The following ATP6V0D2 variants were observed in gnomAD, a reference collection of about 807,000 sequenced individuals.
ATP6V0D2 encodes ATPase H+ transporting V0 subunit d2.
A neutral mutation model predicts 40.0 loss-of-function variants in ATP6V0D2; 40 were observed. That is an observed-to-expected ratio of 1.00 (90% CI 0.78 to 1.30). The LOEUF (loss-of-function observed/expected upper bound fraction) is 1.30. Ranked by LOEUF, ATP6V0D2 falls within the 50% of genes most tolerant of loss-of-function variation. The pLI, the probability that ATP6V0D2 is intolerant of heterozygous loss-of-function variation, is 0.00. For missense variants in ATP6V0D2, 470 were observed against 423.1 expected (o/e 1.11, Z -0.97); for synonymous variants, 179 against 156.3 (o/e 1.15, Z -1.08).
intron 2 of ATP6V0D2, among the ~76,000 whole-genome samples, chr8:86,121,235 TTCAGTTGCTGTCTG>T (rs1411019943): frequency 1.3e-5 from 2 of 152,160 alleles, no homozygotes; most frequent in Non-Finnish European, 2.9e-5. Context: ...CCTGGCAGCA[TTCAGTTGCTGTCTG>T]TAGACCTTAG....
At chr8:86,121,432 T>TG (rs990078217) in intron 2 of ATP6V0D2, among the ~76,000 whole-genome samples, 1 of 151,970 alleles carries the variant, frequency 6.6e-6, no homozygotes, top group African/African-American at 2.4e-5. Flanking sequence ...TAGCCAGGTG[T>TG]GGGGGCGCAT....
intron 5 of ATP6V0D2, among the ~76,000 whole-genome samples, chr8:86,144,708 A>C (rs1328754240): frequency 2.0e-5 from 3 of 152,182 alleles, no homozygotes; most frequent in Admixed American, 1.3e-4. Flanking sequence ...CTGTTGCCCA[A>C]ACTGGAGGAG....
intron 1 of ATP6V0D2, among the ~76,000 whole-genome samples, chr8:86,106,413 G>A (rs781682326): frequency 5.9e-5 from 9 of 152,208 alleles, no homozygotes; most frequent in Admixed American, 3.3e-4. Flanking sequence ...GATTACAAGC[G>A]TGAGCACTGA....
intron 1 of ATP6V0D2, among the ~76,000 whole-genome samples, chr8:86,111,161 G>A (rs1268969549): frequency 6.6e-6 from 1 of 150,518 alleles, no homozygotes; most frequent in African/African-American, 2.5e-5. Context: ...CCCCCACTAA[G>A]TCGTTTTTTT....
At chr8:86,152,367 A>T (rs1289277152) in intron 7 of ATP6V0D2, among the ~76,000 whole-genome samples, 1 of 152,202 alleles carries the variant, frequency 6.6e-6, no homozygotes, top group African/African-American at 2.4e-5. Flanking sequence ...TATTGGGAAA[A>T]GTGCTGCAAT....
chr8:86,116,595 T>A (rs1818594275), intron 2 of ATP6V0D2, among the ~76,000 whole-genome samples: 1 of 152,200 alleles, frequency 6.6e-6, no homozygotes, highest in Non-Finnish European at 1.5e-5. Flanking sequence ...AGCTAAATTA[T>A]TTTTATTTTT....
intron 4 of ATP6V0D2, 57 bp from the exon 5 acceptor site, chr8:86,142,819 CA>C: frequency 2.7e-6 from 3 of 1,102,112 alleles, no homozygotes; most frequent in Non-Finnish European, 4.0e-6. Context: ...CTGATCTAGA[CA>C]TTTTCAAAAG....
chr8:86,135,884 C>T (rs1005247485), intron 2 of ATP6V0D2, among the ~76,000 whole-genome samples: 1 of 151,986 alleles, frequency 6.6e-6, no homozygotes, highest in African/African-American at 2.4e-5. Context: ...TTATTTGCTT[C>T]CCAACCACTG....
intron 2 of ATP6V0D2, among the ~76,000 whole-genome samples, chr8:86,135,507 G>C (rs1225855264): frequency 6.6e-6 from 1 of 152,200 alleles, no homozygotes; most frequent in African/African-American, 2.4e-5. Context: ...AAGGTATTTA[G>C]TACTGCTAAG....
At chr8:86,151,139 C>A (rs1373936711) in intron 6 of ATP6V0D2, among the ~76,000 whole-genome samples, 1 of 152,010 alleles carries the variant, frequency 6.6e-6, no homozygotes, top group Non-Finnish European at 1.5e-5. Flanking sequence ...CCTTACTGAC[C>A]AAATCATGAA....
intron 2 of ATP6V0D2, among the ~76,000 whole-genome samples, chr8:86,117,068 G>A (rs1818599314): frequency 1.3e-5 from 2 of 152,098 alleles, no homozygotes; most frequent in African/African-American, 4.8e-5. Context: ...ACATATAACA[G>A]CTATTTGTAA....
intron 2 of ATP6V0D2, among the ~76,000 whole-genome samples, chr8:86,137,213 T>C (rs1586099122): frequency 6.6e-6 from 1 of 152,124 alleles, no homozygotes; most frequent in East Asian, 1.9e-4. Flanking sequence ...GGCGTTTTCA[T>C]TGCATTCTCT....
chr8:86,115,916 A>G (rs1038197452), intron 2 of ATP6V0D2, among the ~76,000 whole-genome samples: 2 of 152,140 alleles, frequency 1.3e-5, no homozygotes, highest in Non-Finnish European at 2.9e-5. Flanking sequence ...ATGAAAACAG[A>G]CCTGCATTCC....
chr8:86,144,004 A>T (rs946497449), intron 5 of ATP6V0D2, among the ~76,000 whole-genome samples: 9 of 152,198 alleles, frequency 5.9e-5, no homozygotes, highest in Non-Finnish European at 1.5e-5. Context: ...ACCCATGAAC[A>T]TTCCAGCTTT....
At chr8:86,131,222 A>C (rs956482852) in intron 2 of ATP6V0D2, among the ~76,000 whole-genome samples, 3 of 152,100 alleles carry the variant, frequency 2.0e-5, no homozygotes, top group African/African-American at 7.2e-5. Flanking sequence ...GGTGGGGGGA[A>C]CGAAGTCTCA....
chr8:86,098,940 G>C lies in ATP6V0D2; in HGVS notation c.-39G>C. The C allele has an allele frequency of 6.2e-7, 1 of 1,606,842 alleles. No individual in the cohort carries two copies. Among genetic ancestry groups the C allele is most frequent in the Admixed American group, 1.7e-5 (1 of 59,094 alleles). On this transcript the variant is annotated 5_prime_UTR_variant, in exon 1 of 8. Coordinates refer to ENST00000285393, the MANE Select transcript of ATP6V0D2 (RefSeq NM_152565.1). ...TCTTCAGGGGCCGTCCAGGACTACA[G>C]AGCTGTTTCACCCTACCTTGGCTTC...
At chr8:86,140,113 G>T (rs898974860) in intron 3 of ATP6V0D2, among the ~76,000 whole-genome samples, 1 of 152,096 alleles carries the variant, frequency 6.6e-6, no homozygotes, top group African/African-American at 2.4e-5. Flanking sequence ...TCATTTTTCT[G>T]AGATGCTCAA....
intron 2 of ATP6V0D2, 59 bp downstream of exon 2, chr8:86,113,939 C>T (rs1250706055): frequency 6.8e-7 from 1 of 1,473,792 alleles, no homozygotes; most frequent in Non-Finnish European, 9.1e-7. Flanking sequence ...TGACCCCTAA[C>T]AATTACAGGG....
rs771915242 is a variant in ATP6V0D2, at chr8:86,139,503, T to A, written c.349T>A (p.Leu117Met). 6.2e-7 allele frequency: 1 copy of A among 1,613,652 alleles called. No individual in the cohort carries two copies. Among genetic ancestry groups the A allele is most frequent in the East Asian group, 2.2e-5 (1 of 44,858 alleles). The change falls in exon 3 of 8, where the codon TTG becomes ATG. Residue 117 changes from leucine to methionine, a missense_variant. Coordinates refer to ENST00000285393, the MANE Select transcript of ATP6V0D2 (RefSeq NM_152565.1). ...DNVILLMNGA[L>M]QKKSVKEILG... ...TGTGATTCTGCTGATGAATGGTGCA[T>A]TGCAGAAAAAATCTGTGAAAGAAAT...
Sources: gnomAD v4.1 joint callset for allele counts (sites outside exome capture counted in the v4.1 genomes callset) on GRCh38, gnomAD v4.1.1 for gene constraint, MANE v1.5 for transcripts, NCBI Gene and HGNC (gene_info 2026-07-23, HGNC 2026-07-21) for gene names.